Variants in SHC4 observed in about 807,000 individuals in gnomAD.
The protein encoded by SHC4 is SHC-transforming protein 4.
SHC4 carries 41 observed loss-of-function variants against 69.4 expected under a neutral mutation model. The ratio of observed to expected loss-of-function variants is 0.59; its 90% CI spans 0.46 to 0.77. SHC4 has a LOEUF of 0.77. Ranked by LOEUF, SHC4 falls within the 30% of genes least tolerant of loss-of-function variation. SHC4 has a pLI of 0.00. For synonymous variants in SHC4, 318 were observed against 299.3 expected, an observed-to-expected ratio of 1.06 and a Z score of -0.64; for missense variants, 777 against 783.8, an observed-to-expected ratio of 0.99 and a Z score of 0.10.
At chr15:48,894,097 T>G (rs1258443616) in intron 2 of SHC4, among the ~76,000 whole-genome samples, 1 of 152,144 alleles carries the variant, frequency 6.6e-6, no homozygotes, top group South Asian at 2.1e-4. Context: ...ATAAAACATA[T>G]CAAAATAAAT....
At chr15:48,860,355 A>C (rs995971881) in intron 6 of SHC4, among the ~76,000 whole-genome samples, 2 of 151,728 alleles carry the variant, frequency 1.3e-5, no homozygotes, top group African/African-American at 4.8e-5. Flanking sequence ...AAATACAAAA[A>C]AATTGGCTGG....
chr15:48,856,906 G>A (rs949597688), intron 7 of SHC4, among the ~76,000 whole-genome samples: 2 of 152,060 alleles, frequency 1.3e-5, no homozygotes, highest in African/African-American at 4.8e-5. Flanking sequence ...TGCTATCCTG[G>A]GAAAAATTCA....
At chr15:48,895,055 T>A (rs1476301720) in intron 2 of SHC4, among the ~76,000 whole-genome samples, 9 of 152,116 alleles carry the variant, frequency 5.9e-5, no homozygotes, top group Admixed American at 5.9e-4. Flanking sequence ...GTCTCCCACC[T>A]CAGCCTCCCA....
At chr15:48,888,054 G>A (rs748428394) in intron 3 of SHC4, among the ~76,000 whole-genome samples, 3 of 152,088 alleles carry the variant, frequency 2.0e-5, no homozygotes, top group Non-Finnish European at 4.4e-5. Flanking sequence ...AAAACAGTAT[G>A]GCAGTTCCTA....
chr15:48,962,980 G>A lies in SHC4; in HGVS notation c.36C>T (p.Leu12=). 6.2e-7 allele frequency: 1 copy of A among 1,612,204 alleles called. No homozygotes were observed. Among genetic ancestry groups the A allele is most frequent in the South Asian group, 1.1e-5 (1 of 91,008 alleles). Residue 12 remains leucine (L), a synonymous_variant, in exon 1 of 12, where the codon CTC becomes CTT. Coordinates refer to ENST00000332408, the MANE Select transcript of SHC4 (RefSeq NM_203349.4). The part of the protein sequence containing the change: ...RERGQDSLAG[L]VLYVGLFGHP... ...GCCCGAAGAGTCCTACATACAGCACGAGTCCTGCCAGGCTGTCCTGGCCGC... is the reference window on the plus strand; with the variant it reads ...GCCCGAAGAGTCCTACATACAGCACAAGTCCTGCCAGGCTGTCCTGGCCGC...
intron 9 of SHC4, among the ~76,000 whole-genome samples, chr15:48,850,388 G>A (rs577879146): frequency 2.0e-5 from 3 of 152,162 alleles, no homozygotes; most frequent in South Asian, 4.1e-4. Flanking sequence ...TTACATTGGT[G>A]TAATTCCATA....
intron 1 of SHC4, among the ~76,000 whole-genome samples, chr15:48,955,064 A>T (rs1432490396): frequency 6.6e-6 from 1 of 152,170 alleles, no homozygotes; most frequent in Non-Finnish European, 1.5e-5. Context: ...TTACAATGAG[A>T]AAAAGCTCCA....
At chr15:48,928,982 A>G (rs1469150772) in intron 1 of SHC4, among the ~76,000 whole-genome samples, 1 of 152,170 alleles carries the variant, frequency 6.6e-6, no homozygotes, top group African/African-American at 2.4e-5. Context: ...GTTTCTGGAA[A>G]AACATGAGTC....
rs1901575469 is a variant in SHC4, at chr15:48,963,107, G to A, written c.-92C>T. The A allele has an allele frequency of 7.5e-7, 1 of 1,327,756 alleles. No individual in the cohort carries two copies. Among genetic ancestry groups the A allele is most frequent in the South Asian group, 1.4e-5 (1 of 71,686 alleles). The allele number at this position is 1,327,756 out of a possible 1,614,324, so 82.2% of individuals were successfully genotyped here. On this transcript the variant is annotated 5_prime_UTR_variant, in exon 1 of 12. Transcript: ENST00000332408. ...GCAGACATCAGATACCTCAACGCCC[G>A]ATGCAACTCACAGCAGCCACCTCTC...
intron 1 of SHC4, among the ~76,000 whole-genome samples, chr15:48,956,590 C>A (rs907942813): frequency 6.6e-6 from 1 of 152,144 alleles, no homozygotes; most frequent in Admixed American, 6.5e-5. Flanking sequence ...GGCCTGCCCC[C>A]GAACTAGCCC....
chr15:48,963,143 C>G lies in SHC4; in HGVS notation c.-128G>C. 3.0e-6 allele frequency: 3 copies of G among 994,784 alleles called. No homozygotes were observed. The allele number at this position is 994,784 out of a possible 1,614,324, so 61.6% of individuals were successfully genotyped here. On this transcript the variant is annotated 5_prime_UTR_variant, in exon 1 of 12. Transcript: ENST00000332408. ...CAGCAGCCACCTCTCCAACTCTGCT[C>G]TCGAGCTCGCCCACCTCGGCTCCCG...
intron 4 of SHC4, chr15:48,878,409 G>A (rs769474048): frequency 3.7e-5 from 59 of 1,612,082 alleles, no homozygotes; most frequent in Non-Finnish European, 4.8e-5. Context: ...CTTGCTAACG[G>A]GCCCAACGCT....
In SHC4 at chr15:48,877,921, C is replaced by A. The variant is rs1315233666; in HGVS notation, c.841-5779G>T. 13 of 416,904 alleles carry A rather than the reference C, an allele frequency of 3.1e-5. No homozygotes were observed. The Admixed American group carries it at 3.6e-4, about 12-fold the overall frequency. 25.8% of individuals were successfully genotyped at this position (416,904 alleles called of 1,614,324 possible). ...GGGTTAAGTAACACAGAAACTGTTA[C>A]GCTCTTGCATGCAGGGTCCCTAGAT... On this transcript the variant is annotated intron_variant, in intron 4 of 11. Coordinates refer to ENST00000332408, the MANE Select transcript of SHC4 (RefSeq NM_203349.4).
intron 1 of SHC4, among the ~76,000 whole-genome samples, chr15:48,939,856 G>A (rs1360355570): frequency 6.6e-6 from 1 of 152,218 alleles, no homozygotes; most frequent in East Asian, 1.9e-4. Context: ...CTTGCTGGAT[G>A]TCCTCTGCTC....
intron 4 of SHC4, chr15:48,878,442 C>A (rs566866767): frequency 6.2e-7 from 1 of 1,612,608 alleles, no homozygotes; most frequent in East Asian, 2.2e-5. Context: ...GGCCAGGTGG[C>A]GGGCGCAGAC....
intron 2 of SHC4, among the ~76,000 whole-genome samples, chr15:48,909,766 C>T (rs561136678): frequency 2.0e-5 from 3 of 152,096 alleles, no homozygotes; most frequent in Non-Finnish European, 2.9e-5. Context: ...AATGATAAAG[C>T]GTTGCTGGAT....
At chr15:48,940,904 C>G (rs1036148717) in intron 1 of SHC4, among the ~76,000 whole-genome samples, 1 of 152,184 alleles carries the variant, frequency 6.6e-6, no homozygotes, top group Non-Finnish European at 1.5e-5. Context: ...GTCAACAATA[C>G]GGCTTTGCGG....
At chr15:48,961,192 TC>T (rs1242587302) in intron 1 of SHC4, among the ~76,000 whole-genome samples, 1 of 152,202 alleles carries the variant, frequency 6.6e-6, no homozygotes, top group Non-Finnish European at 1.5e-5. Context: ...CCTGCTTCAA[TC>T]CATGTCAAAT....
Position 48,898,909 on chromosome 15 carries a change from C to T in SHC4, c.657-8098G>A, listed in dbSNP as rs549678121. Among the ~76,000 whole-genome samples the T allele has an allele frequency of 4.6e-4, 70 of 152,180 alleles. 1 individual carries two copies. Among genetic ancestry groups the T allele is most frequent in the African/African-American group, 1.6e-3 (68 of 41,516 alleles). ...TTTATAAATTCAAAAGATTGTTCTC[C>T]TTTAGGGTAAACTGGGCTTCTTTAA... On this transcript the variant is annotated intron_variant, in intron 2 of 11. Transcript: ENST00000332408.
Sources: allele counts gnomAD v4.1 joint callset (sites outside exome capture counted in the v4.1 genomes callset), GRCh38; gene constraint gnomAD v4.1.1; transcripts MANE v1.5; gene names NCBI Gene and HGNC (gene_info 2026-07-23, HGNC 2026-07-21).